The following RPP25L variants were observed in gnomAD, a reference collection of about 807,000 sequenced individuals.
RPP25L encodes the protein ribonuclease P protein subunit p25-like protein.
A neutral mutation model predicts 10.1 loss-of-function variants in RPP25L; 5 were observed. The ratio of observed to expected loss-of-function variants is 0.50; its 90% confidence interval spans 0.26 to 1.04. RPP25L has a LOEUF of 1.04. RPP25L is among the 50% of genes least tolerant of loss of function. The pLI, the probability that RPP25L is intolerant of heterozygous loss-of-function variation, is 0.14. For synonymous variants in RPP25L, 96 were observed against 88.6 expected (o/e 1.08, Z -0.47); for missense variants, 192 against 217.3 (o/e 0.88, Z 0.73).
At position 34,611,419 on chromosome 9, in the gene RPP25L, C is replaced by T. The variant is rs922027014; in HGVS notation, c.-36-87G>A. The stretch of plus-strand genomic sequence containing the variant: ...TATCTCCATCCAGGATATGGCCCTG[C>T]TCCCCGTTCCAGACTTCCCAGAAAC... On this transcript the variant is annotated intron_variant, in intron 1 of 1. Coordinates refer to ENST00000378959, the MANE Select transcript of RPP25L (RefSeq NM_148178.3). This position sits in a 1 kb window ranked among gnomAD's most constrained non-coding sequence, Gnocchi z 4.4. 5 of 1,064,114 alleles carry T rather than the reference C, an allele frequency of 4.7e-6. No individual in the cohort carries two copies. The highest frequency in any genetic ancestry group is 1.6e-5 in the South Asian group (1 of 62,760). 65.9% of individuals were successfully genotyped at this position (1,064,114 alleles called of 1,614,324 possible).
In RPP25L at chr9:34,610,719, G is replaced by T. The variant is rs1206790721; in HGVS notation, c.*86C>A. 1 of 1,412,154 alleles carries T rather than the reference G, an allele frequency of 7.1e-7. No homozygotes were observed. The highest frequency in any genetic ancestry group is 9.5e-7 in the Non-Finnish European group (1 of 1,054,176). 87.5% of individuals were successfully genotyped at this position (1,412,154 alleles called of 1,614,324 possible). A position where few individuals can be genotyped will look rare whatever the true frequency, so the allele number is the denominator to read the frequency against. ...TTTTGTGGACTCAAACCTTGATGGGGATGTTGAGCAGTCACAACGCTTCTC... is the reference window on the plus strand; with the variant it reads ...TTTTGTGGACTCAAACCTTGATGGGTATGTTGAGCAGTCACAACGCTTCTC... On this transcript the variant is annotated 3_prime_UTR_variant, in exon 2 of 2. Coordinates refer to ENST00000378959, the MANE Select transcript of RPP25L (RefSeq NM_148178.3).
Position 34,610,571 on chromosome 9 carries a change from A to G in RPP25L, c.*234T>C, listed in dbSNP as rs1388616926. ...AAGGCAGTTCAAATGCACTGTAGGT[A>G]GAAGGCAGAGGAAGCCCTTATTTAG... On this transcript the variant is annotated 3_prime_UTR_variant, in exon 2 of 2. Coordinates refer to ENST00000378959, the MANE Select transcript of RPP25L (RefSeq NM_148178.3). 2.0e-6 allele frequency: 1 copy of G among 488,954 alleles called. No homozygotes were observed. The highest frequency in any genetic ancestry group is 2.0e-5 in the African/African-American group (1 of 50,708). 30.3% of individuals were successfully genotyped at this position (488,954 alleles called of 1,614,324 possible). A position where few individuals can be genotyped will look rare whatever the true frequency, so the allele number is the denominator to read the frequency against.
rs749421444 is a variant in RPP25L at position 34,611,008 on chromosome 9, C to T, written c.289G>A (p.Val97Ile). The change falls in exon 2 of 2, where the codon GTC becomes ATC. Residue 97 changes from valine (V) to isoleucine (I), a missense_variant. By Grantham distance (29) the Val-to-Ile change is conservative. Transcript: ENST00000378959. The surrounding 1 kb of genome is among the most constrained non-coding windows in gnomAD (Gnocchi z 4.4). ...AGCCCTGTGTCAGGTGAGGCTGGGA[C>T]CCAGCTGTCCTCAGTCTGAAGGAAA... Reference protein sequence around the residue: ...LRFLQTEDSWVPASPDTGLDP... With the variant: ...LRFLQTEDSWIPASPDTGLDP... 2.5e-6 allele frequency: 4 copies of T among 1,613,832 alleles called. No individual in the cohort carries two copies. The highest frequency in any genetic ancestry group is 3.4e-6 in the Non-Finnish European group (4 of 1,180,008).
Position 34,610,693 on chromosome 9 carries a change from C to G in RPP25L, c.*112G>C, listed in dbSNP as rs772203544. 1.1e-4 allele frequency: 137 copies of G among 1,256,330 alleles called. No individual in the cohort carries two copies. The highest frequency in any genetic ancestry group is 1.1e-4 in the Non-Finnish European group (105 of 917,352). 77.8% of individuals were successfully genotyped at this position (1,256,330 alleles called of 1,614,324 possible). On this transcript the variant is annotated 3_prime_UTR_variant, in exon 2 of 2. Coordinates refer to ENST00000378959, the MANE Select transcript of RPP25L (RefSeq NM_148178.3). ...AGGGGAAGCATGATAGGGAGGTCCA[C>G]TTTTGTGGACTCAAACCTTGATGGG... is the stretch of plus-strand genomic sequence containing the variant.
rs1465507912 is a variant in RPP25L at position 34,611,255 on chromosome 9, C to G, written c.42G>C (p.Ala14=). ...GAGGTAGCTGGGGCATTGGGGAAGGCGCTGGGAGCTCTACAGAGCCAGCTT... is the reference window on the plus strand; with the variant it reads ...GAGGTAGCTGGGGCATTGGGGAAGGGGCTGGGAGCTCTACAGAGCCAGCTT... ...YRKAGSVELP[A]PSPMPQLPPD... is the part of the protein sequence containing the mutation. The change falls in exon 2 of 2, where the codon GCG becomes GCC. Residue 14 remains alanine (A), a synonymous_variant. Coordinates refer to ENST00000378959, the MANE Select transcript of RPP25L (RefSeq NM_148178.3). This position sits in a 1 kb window ranked among gnomAD's most constrained non-coding sequence, Gnocchi z 4.4. 6.2e-7 allele frequency: 1 copy of G among 1,613,520 alleles called. No individual in the cohort carries two copies. The highest frequency in any genetic ancestry group is 1.3e-5 in the African/African-American group (1 of 74,884).
In RPP25L at chr9:34,610,661, A is replaced by C; in HGVS notation, c.*144T>G. The stretch of plus-strand genomic sequence containing the variant: ...TCACAGCAGTCCCTTCCCACATGCT[A>C]GAGGGAAGGGGAAGCATGATAGGGA... On this transcript the variant is annotated 3_prime_UTR_variant, in exon 2 of 2. Coordinates refer to ENST00000378959, the MANE Select transcript of RPP25L (RefSeq NM_148178.3). 4 of 854,236 alleles carry C rather than the reference A, an allele frequency of 4.7e-6. No homozygotes were observed. Among genetic ancestry groups the C allele is most frequent in the Non-Finnish European group, 7.2e-6 (4 of 557,750 alleles). The allele number at this position is 854,236 out of a possible 1,614,324, so 52.9% of individuals were successfully genotyped here.
At position 34,611,324 on chromosome 9, in the gene RPP25L, C is replaced by A; in HGVS notation, c.-28G>T. ...TGCTTGCTGTCTTGTCTGTGACTCT[C>A]GCTGCCCACTGCAGGGAAGCATCAG... On this transcript the variant is annotated 5_prime_UTR_variant, in exon 2 of 2. Coordinates refer to ENST00000378959, the MANE Select transcript of RPP25L (RefSeq NM_148178.3). The surrounding 1 kb of genome is among the most constrained non-coding windows in gnomAD (Gnocchi z 4.4). 6.2e-7 allele frequency: 1 copy of A among 1,603,596 alleles called. No homozygotes were observed. The highest frequency in any genetic ancestry group is 1.1e-5 in the South Asian group (1 of 89,996).
Position 34,611,969 on chromosome 9 carries a change from G to T in RPP25L, c.-37+95C>A, listed in dbSNP as rs1028511904. On this transcript the variant is annotated intron_variant, in intron 1 of 1. Transcript: ENST00000378959. The surrounding 1 kb of genome is among the most constrained non-coding windows in gnomAD (Gnocchi z 4.4). ...CAGCCTTGGCCGTTTCCATAGCCAC[G>T]GTCTCTTCCAGGGTCTTGCCGGCCG... The T allele has an allele frequency of 6.6e-6, 1 of 152,386 alleles. No individual in the cohort carries two copies. The highest frequency in any genetic ancestry group is 2.4e-5 in the African/African-American group (1 of 41,436). 9.4% of individuals were successfully genotyped at this position (152,386 alleles called of 1,614,324 possible).
chr9:34,611,350 G>A lies in RPP25L; in HGVS notation c.-36-18C>T, dbSNP rs921742789. The A allele has an allele frequency of 3.2e-6, 5 of 1,577,470 alleles. No homozygotes were observed. The highest frequency in any genetic ancestry group is 3.4e-6 in the Non-Finnish European group (4 of 1,161,710). ...GCTGCCCACTGCAGGGAAGCATCAGGTAAGTGCTAAGCAATGTGCCCCAAG... is the reference window on the plus strand; with the variant it reads ...GCTGCCCACTGCAGGGAAGCATCAGATAAGTGCTAAGCAATGTGCCCCAAG... On this transcript the variant is annotated intron_variant, in intron 1 of 1. Coordinates refer to ENST00000378959, the MANE Select transcript of RPP25L (RefSeq NM_148178.3). This position sits in a 1 kb window ranked among gnomAD's most constrained non-coding sequence, Gnocchi z 4.4.
rs746844048 is a variant in RPP25L, at chr9:34,611,139, C to T, written c.158G>A (p.Arg53Gln). 8.1e-6 allele frequency: 13 copies of T among 1,614,140 alleles called. No homozygotes were observed. Among genetic ancestry groups the T allele is most frequent in the Non-Finnish European group, 8.5e-6 (10 of 1,180,018 alleles). The change falls in exon 2 of 2, where the codon CGG becomes CAG. Residue 53 changes from arginine (R) to glutamine (Q), a missense_variant. Transcript: ENST00000378959. This position sits in a 1 kb window ranked among gnomAD's most constrained non-coding sequence, Gnocchi z 4.4. Reference protein sequence around the residue: ...ALGRLEGGSARHVVFSGSGRA... With the variant: ...ALGRLEGGSAQHVVFSGSGRA... ...GCCAGAACCTGAGAACACTACATGC[C>T]GAGCACTGCCGCCCTCCAACCGACC...
chr9:34,611,316 G>A lies in RPP25L; in HGVS notation c.-20C>T. The A allele has an allele frequency of 6.2e-7, 1 of 1,607,156 alleles. No homozygotes were observed. On this transcript the variant is annotated 5_prime_UTR_variant, in exon 2 of 2. Coordinates refer to ENST00000378959, the MANE Select transcript of RPP25L (RefSeq NM_148178.3). This position sits in a 1 kb window ranked among gnomAD's most constrained non-coding sequence, Gnocchi z 4.4. Reference sequence around the variant, plus strand: ...CTCCATCCTGCTTGCTGTCTTGTCTGTGACTCTCGCTGCCCACTGCAGGGA... The same window carrying A: ...CTCCATCCTGCTTGCTGTCTTGTCTATGACTCTCGCTGCCCACTGCAGGGA...
chr9:34,611,138 C>G lies in RPP25L; in HGVS notation c.159G>C (p.Arg53=), dbSNP rs370304650. The stretch of plus-strand genomic sequence containing the variant: ...TGCCAGAACCTGAGAACACTACATG[C>G]CGAGCACTGCCGCCCTCCAACCGAC... ...ALGRLEGGSA[R]HVVFSGSGRA... The change falls in exon 2 of 2, where the codon CGG becomes CGC. Residue 53 remains arginine, a synonymous_variant. Transcript: ENST00000378959. The surrounding 1 kb of genome is among the most constrained non-coding windows in gnomAD (Gnocchi z 4.4). 3 of 1,614,142 alleles carry G rather than the reference C, an allele frequency of 1.9e-6. No individual in the cohort carries two copies. Among genetic ancestry groups the G allele is most frequent in the Non-Finnish European group, 2.5e-6 (3 of 1,180,014 alleles).
In RPP25L at chr9:34,610,758, G is replaced by A. The variant is rs1264219619; in HGVS notation, c.*47C>T. ...ACAACGCTTCTCAGAAAAGGCACAAGCACCCCAGACATTCAGGCCCGGAGA... is the reference window on the plus strand; with the variant it reads ...ACAACGCTTCTCAGAAAAGGCACAAACACCCCAGACATTCAGGCCCGGAGA... On this transcript the variant is annotated 3_prime_UTR_variant, in exon 2 of 2. Coordinates refer to ENST00000378959, the MANE Select transcript of RPP25L (RefSeq NM_148178.3). The A allele has an allele frequency of 2.7e-6, 4 of 1,505,156 alleles. No homozygotes were observed. In the East Asian group the frequency reaches 6.9e-5, roughly 26 times the overall value. The allele number at this position is 1,505,156 out of a possible 1,614,324, so 93.2% of individuals were successfully genotyped here. A position where few individuals can be genotyped will look rare whatever the true frequency, so the allele number is the denominator to read the frequency against.
At position 34,611,398 on chromosome 9, in the gene RPP25L, T is replaced by G; in HGVS notation, c.-36-66A>C. 2 of 1,287,326 alleles carry G rather than the reference T, an allele frequency of 1.6e-6. No individual in the cohort carries two copies. Among genetic ancestry groups the G allele is most frequent in the Non-Finnish European group, 2.1e-6 (2 of 933,440 alleles). The allele number at this position is 1,287,326 out of a possible 1,614,324, so 79.7% of individuals were successfully genotyped here. A position where few individuals can be genotyped will look rare whatever the true frequency, so the allele number is the denominator to read the frequency against. Reference sequence around the variant, plus strand: ...AAGTCACTGTCCACCATCCCCTATCTCCATCCAGGATATGGCCCTGCTCCC... The same window carrying G: ...AAGTCACTGTCCACCATCCCCTATCGCCATCCAGGATATGGCCCTGCTCCC... On this transcript the variant is annotated intron_variant, in intron 1 of 1. Coordinates refer to ENST00000378959, the MANE Select transcript of RPP25L (RefSeq NM_148178.3). This position sits in a 1 kb window ranked among gnomAD's most constrained non-coding sequence, Gnocchi z 4.4.
chr9:34,610,691 CA>C lies in RPP25L; in HGVS notation c.*113del. ...GAAGGGGAAGCATGATAGGGAGGTC[CA>C]CTTTTGTGGACTCAAACCTTGATGG... On this transcript the variant is annotated 3_prime_UTR_variant, in exon 2 of 2. Coordinates refer to ENST00000378959, the MANE Select transcript of RPP25L (RefSeq NM_148178.3). 8.4e-7 allele frequency: 1 copy of C among 1,194,288 alleles called. No individual in the cohort carries two copies. The highest frequency in any genetic ancestry group is 1.5e-5 in the South Asian group (1 of 65,458). The allele number at this position is 1,194,288 out of a possible 1,614,324, so 74.0% of individuals were successfully genotyped here. A position where few individuals can be genotyped will look rare whatever the true frequency, so the allele number is the denominator to read the frequency against.
At position 34,611,713 on chromosome 9, in the gene RPP25L, A is replaced by G. The variant is rs1820305363; in HGVS notation, c.-37+351T>C. The G allele has an allele frequency of 5.0e-6, 1 of 200,862 alleles. No individual in the cohort carries two copies. Among genetic ancestry groups the G allele is most frequent in the South Asian group, 8.0e-5 (1 of 12,476 alleles). The allele number at this position is 200,862 out of a possible 1,614,324, so 12.4% of individuals were successfully genotyped here. ...GAACAGGGCCTGGAACCCTCACCCC[A>G]GACTAATACCAATAGAGAGCGCTCC... On this transcript the variant is annotated intron_variant, in intron 1 of 1. Transcript: ENST00000378959. This position sits in a 1 kb window ranked among gnomAD's most constrained non-coding sequence, Gnocchi z 4.4.
Position 34,611,380 on chromosome 9 carries a change from T to C in RPP25L, c.-36-48A>G, listed in dbSNP as rs1587200777. ...TGCTAAGCAATGTGCCCCAAGTCAC[T>C]GTCCACCATCCCCTATCTCCATCCA... is the stretch of plus-strand genomic sequence containing the variant. On this transcript the variant is annotated intron_variant, in intron 1 of 1. Transcript: ENST00000378959. The surrounding 1 kb of genome is among the most constrained non-coding windows in gnomAD (Gnocchi z 4.4). 7.0e-7 allele frequency: 1 copy of C among 1,432,966 alleles called. No homozygotes were observed. Among genetic ancestry groups the C allele is most frequent in the Non-Finnish European group, 9.5e-7 (1 of 1,052,464 alleles). The allele number at this position is 1,432,966 out of a possible 1,614,324, so 88.8% of individuals were successfully genotyped here.
Position 34,611,082 on chromosome 9 carries a change from T to C in RPP25L, c.215A>G (p.Glu72Gly). 1 of 1,614,030 alleles carries C rather than the reference T, an allele frequency of 6.2e-7. No individual in the cohort carries two copies. The highest frequency in any genetic ancestry group is 8.5e-7 in the Non-Finnish European group (1 of 1,179,970). The part of the protein sequence containing the change: ...RAAGKAVSCA[E>G]IVKRRVPGLH... The stretch of plus-strand genomic sequence containing the variant: ...GCCTGGGACCCGCCGCTTGACAATC[T>C]CAGCGCAGCTGACAGCCTTTCCTGC... Residue 72 changes from glutamate to glycine, a missense_variant, in exon 2 of 2, where the codon GAG (glutamate) becomes GGG (glycine). By Grantham distance (98) the Glu-to-Gly change is moderately conservative (BLOSUM62 -2). Transcript: ENST00000378959. This position sits in a 1 kb window ranked among gnomAD's most constrained non-coding sequence, Gnocchi z 4.4.
rs113300465 is a variant in RPP25L at position 34,610,762 on chromosome 9, C to T, written c.*43G>A. On this transcript the variant is annotated 3_prime_UTR_variant, in exon 2 of 2. Transcript: ENST00000378959. ...CGCTTCTCAGAAAAGGCACAAGCAC[C>T]CCAGACATTCAGGCCCGGAGAACAG... 4.5e-5 allele frequency: 68 copies of T among 1,508,146 alleles called. No individual in the cohort carries two copies. The African/African-American group carries it at 6.4e-4, about 14-fold the overall frequency. 93.4% of individuals were successfully genotyped at this position (1,508,146 alleles called of 1,614,324 possible). A position where few individuals can be genotyped will look rare whatever the true frequency, so the allele number is the denominator to read the frequency against.
Sources: allele counts gnomAD v4.1 joint callset, GRCh38; gene constraint gnomAD v4.1.1; non-coding constraint Gnocchi (gnomAD v3.1); transcripts MANE v1.5; gene names NCBI Gene and HGNC (gene_info 2026-07-23, HGNC 2026-07-21).